TXNRD2: variants seen among roughly 807,000 people sequenced by gnomAD.
TXNRD2 encodes thioredoxin reductase 2.
In TXNRD2, 67 loss-of-function variants were observed where a neutral mutation model predicts 70.8. That is an observed-to-expected ratio of 0.95 (90% confidence interval 0.78 to 1.16). TXNRD2 has a LOEUF of 1.16. TXNRD2 is among the 50% of genes most tolerant of loss of function. The probability of loss-of-function intolerance (pLI) is 0.00; values close to 1 mark genes in which losing one functional copy is unlikely to be tolerated. For missense variants in TXNRD2, 644 were observed against 719.9 expected (o/e 0.89, Z 1.21); for synonymous variants, 301 against 295.8 (o/e 1.02, Z -0.18).
At chr22:19,878,512 G>T in intron 14 of TXNRD2, 75 bp from the exon 15 acceptor site, 2 of 1,336,216 alleles carry the variant, frequency 1.5e-6, no homozygotes, top group Non-Finnish European at 2.2e-6. Flanking sequence ...CCCACAGGCT[G>T]CATGGGCAAG....
intron 11 of TXNRD2, among the ~76,000 whole-genome samples, chr22:19,890,658 C>T (rs990806487): frequency 6.6e-6 from 1 of 152,192 alleles, no homozygotes; most frequent in Non-Finnish European, 1.5e-5. Context: ...GGAGGAGCCG[C>T]CCCTTCCCTC....
At chr22:19,932,267 G>A (rs1941393799) in intron 1 of TXNRD2, 1 of 1,610,362 alleles carries the variant, frequency 6.2e-7, no homozygotes, top group Non-Finnish European at 8.5e-7. Context: ...AGTCAGCTAG[G>A]AGGGAAGCCA....
At chr22:19,932,213 A>T in intron 1 of TXNRD2, 1 of 1,421,108 alleles carries the variant, frequency 7.0e-7, no homozygotes, top group Non-Finnish European at 9.8e-7. Flanking sequence ...TGTCCCTCAC[A>T]GCTGGCCAGT....
chr22:19,877,182 A>C lies in TXNRD2; in HGVS notation c.1498T>G (p.Cys500Gly). ...CGCAGCTTGACTACCTCCTCAGAGC[A>C]TGTGGGATGGATACCCACGGTCCGC... ...VMRTVGIHPT[C>G]SEEVVKLRIS... The change falls in exon 17 of 18, where the codon TGC becomes GGC. Residue 500 changes from cysteine to glycine, a missense_variant. Cys to Gly is a radical substitution (Grantham distance 159, BLOSUM62 -3). Around this residue, in one of 3 missense-constraint regions of TXNRD2, gnomAD observed 566 missense variants for 645.0 expected, o/e 0.88. Transcript: ENST00000400521. The C allele has an allele frequency of 6.2e-7, 1 of 1,611,764 alleles. No homozygotes were observed. The highest frequency in any genetic ancestry group is 8.5e-7 in the Non-Finnish European group (1 of 1,178,830).
intron 14 of TXNRD2, among the ~76,000 whole-genome samples, chr22:19,879,757 G>A (rs1938675276): frequency 6.6e-6 from 1 of 152,086 alleles, no homozygotes; most frequent in Non-Finnish European, 1.5e-5. Context: ...ACAAGCTGCT[G>A]TGTGCTGGAG....
At chr22:19,914,569 T>C (rs1366253415) in intron 7 of TXNRD2, among the ~76,000 whole-genome samples, 1 of 152,180 alleles carries the variant, frequency 6.6e-6, no homozygotes, top group Non-Finnish European at 1.5e-5. Context: ...ATGTACGATT[T>C]CACTTACACG....
At chr22:19,924,435 G>A (rs907257099) in intron 2 of TXNRD2, among the ~76,000 whole-genome samples, 1 of 152,164 alleles carries the variant, frequency 6.6e-6, no homozygotes, top group African/African-American at 2.4e-5. Flanking sequence ...TGAAGCAGAA[G>A]GGGTGACGGT....
intron 11 of TXNRD2, chr22:19,894,641 GA>G (rs1048101034): frequency 2.2e-5 from 4 of 180,676 alleles, no homozygotes; most frequent in Non-Finnish European, 3.5e-5. Context: ...CGCAAAAAAA[GA>G]AAAAAACCTA....
chr22:19,919,720 C>G lies in TXNRD2; in HGVS notation c.173-121G>C, dbSNP rs1030786462. 4.9e-6 allele frequency: 4 copies of G among 813,580 alleles called. No homozygotes were observed. The African/African-American group carries it at 1.3e-4, about 26-fold the overall frequency. The allele number at this position is 813,580 out of a possible 1,614,324, so 50.4% of individuals were successfully genotyped here. ...GGGCAGGGCCTGGGCCTGCGGCTGCCCACACAGTGGCTGAGCTGCGCAATG... is the reference window on the plus strand; with the variant it reads ...GGGCAGGGCCTGGGCCTGCGGCTGCGCACACAGTGGCTGAGCTGCGCAATG... On this transcript the variant is annotated intron_variant, in intron 2 of 17. Coordinates refer to ENST00000400521, the MANE Select transcript of TXNRD2 (RefSeq NM_006440.5).
At chr22:19,916,146 C>T (rs1186064222) in intron 5 of TXNRD2, 6 of 391,400 alleles carry the variant, frequency 1.5e-5, no homozygotes, top group Non-Finnish European at 2.9e-5. Flanking sequence ...CAAGAGGTGG[C>T]TGGACCTCTC....
intron 11 of TXNRD2, chr22:19,895,104 C>T (rs748366917): frequency 9.4e-6 from 15 of 1,598,120 alleles, no homozygotes; most frequent in Admixed American, 6.7e-5. Context: ...CTAGTTGATC[C>T]TCGATGAGGA....
At chr22:19,894,726 A>T (rs924632229) in intron 11 of TXNRD2, 1 of 232,624 alleles carries the variant, frequency 4.3e-6, no homozygotes, top group Non-Finnish European at 8.5e-6. Flanking sequence ...GCGGTGGCTC[A>T]CACCTGTAAT....
At chr22:19,911,151 G>C (rs1179080219) in intron 8 of TXNRD2, 1 of 648,762 alleles carries the variant, frequency 1.5e-6, no homozygotes, top group Non-Finnish European at 2.8e-6. Context: ...GGCTGATGCT[G>C]ATCTCGAACT....
chr22:19,908,574 T>C (rs989826580), intron 8 of TXNRD2, among the ~76,000 whole-genome samples: 13 of 152,162 alleles, frequency 8.5e-5, no homozygotes, highest in African/African-American at 3.1e-4. Flanking sequence ...TGGGCGCTGT[T>C]GGGAACAGGA....
chr22:19,892,522 C>T (rs571792208), intron 11 of TXNRD2, among the ~76,000 whole-genome samples: 75 of 152,370 alleles, frequency 4.9e-4, no homozygotes, highest in East Asian at 1.5e-3. Context: ...GGAGGATGGG[C>T]GTGCAGGCCA....
At chr22:19,886,515 T>C (rs1939040678) in intron 11 of TXNRD2, among the ~76,000 whole-genome samples, 1 of 152,222 alleles carries the variant, frequency 6.6e-6, no homozygotes, top group Non-Finnish European at 1.5e-5. Context: ...AGGATGCAGG[T>C]GGCTGTGCCC....
intron 8 of TXNRD2, among the ~76,000 whole-genome samples, chr22:19,900,688 T>A (rs1939735747): frequency 6.6e-6 from 1 of 151,496 alleles, no homozygotes; most frequent in African/African-American, 2.4e-5. Flanking sequence ...AGGTGGAGCT[T>A]GCAGTGAGCC....
At chr22:19,923,566 C>G (rs973449749) in intron 2 of TXNRD2, among the ~76,000 whole-genome samples, 1 of 152,154 alleles carries the variant, frequency 6.6e-6, no homozygotes, top group Non-Finnish European at 1.5e-5. Flanking sequence ...GCGGGCAGAT[C>G]ACCTGAGGTC....
intron 7 of TXNRD2, among the ~76,000 whole-genome samples, 200 bp from the exon 8 acceptor site, chr22:19,911,647 G>A (rs547188173): frequency 6.6e-6 from 1 of 152,242 alleles, no homozygotes; most frequent in South Asian, 2.1e-4. Context: ...CTAAGCTGCT[G>A]CACTCCAGGT....
Sources: gnomAD v4.1 joint callset for allele counts (sites outside exome capture counted in the v4.1 genomes callset) on GRCh38, gnomAD v4.1.1 for gene constraint, gnomAD v4.1.1 regional missense constraint, MANE v1.5 for transcripts, NCBI Gene and HGNC (gene_info 2026-07-23, HGNC 2026-07-21) for gene names.